TMTC2: variants seen among roughly 807,000 people sequenced by gnomAD.
The protein encoded by TMTC2 is protein O-mannosyl-transferase TMTC2.
Under a neutral mutation model 82.4 loss-of-function variants are expected in TMTC2, and 43 were observed. The ratio of observed to expected loss-of-function variants is 0.52; its 90% CI spans 0.41 to 0.67. TMTC2 has a LOEUF of 0.67. Ranked by LOEUF, TMTC2 falls within the 30% of genes least tolerant of loss-of-function variation. TMTC2 has a pLI of 0.00. For missense variants in TMTC2, 919 were observed against 1,012.4 expected, an observed-to-expected ratio of 0.91 and a Z score of 1.25; for synonymous variants, 408 against 381.9, an observed-to-expected ratio of 1.07 and a Z score of -0.80.
chr12:83,115,180 T>C (rs542850575), intron 11 of TMTC2, among the ~76,000 whole-genome samples: 21 of 152,264 alleles, frequency 1.4e-4, no homozygotes, highest in Non-Finnish European at 2.4e-4. Flanking sequence ...GAAATCCTTC[T>C]GTGTAATATG....
chr12:82,907,170 A>C (rs984646734), intron 3 of TMTC2, among the ~76,000 whole-genome samples: 5 of 152,138 alleles, frequency 3.3e-5, no homozygotes, highest in African/African-American at 9.7e-5. Context: ...GACGCCTTTA[A>C]GAATGAATTG....
chr12:82,840,108 C>T (rs377151064), intron 1 of TMTC2, among the ~76,000 whole-genome samples: 1 of 152,160 alleles, frequency 6.6e-6, no homozygotes, highest in Non-Finnish European at 1.5e-5. Flanking sequence ...TCCAGGAAGG[C>T]GAGGCAGGTG....
intron 1 of TMTC2, among the ~76,000 whole-genome samples, chr12:82,769,454 T>C (rs1020416051): frequency 6.6e-6 from 1 of 151,292 alleles, no homozygotes; most frequent in Non-Finnish European, 1.5e-5. Context: ...CCAGCTTGGG[T>C]GACAGAGTGA....
intron 11 of TMTC2, among the ~76,000 whole-genome samples, chr12:83,113,382 CT>C (rs1306572686): frequency 2.6e-5 from 4 of 152,116 alleles, no homozygotes; most frequent in Non-Finnish European, 5.9e-5. Context: ...TCGATAAAAA[CT>C]TTAACTTAGG....
intron 2 of TMTC2, among the ~76,000 whole-genome samples, chr12:82,880,001 T>A (rs1484609541): frequency 6.6e-6 from 1 of 152,198 alleles, no homozygotes; most frequent in Non-Finnish European, 1.5e-5. Flanking sequence ...ATACACAGCC[T>A]TCTTTCCTCA....
At chr12:82,891,670 T>A (rs79941580) in intron 2 of TMTC2, among the ~76,000 whole-genome samples, 2,877 of 152,260 alleles carry the variant, frequency 0.019, 91 homozygotes, top group African/African-American at 0.066. Flanking sequence ...AATTGCAGTT[T>A]CATACTTTGG....
chr12:82,692,543 T>C (rs1440254255), intron 1 of TMTC2, among the ~76,000 whole-genome samples: 1 of 152,224 alleles, frequency 6.6e-6, no homozygotes, highest in Non-Finnish European at 1.5e-5. Context: ...AGGATGACGT[T>C]TACCCTTAAG....
intron 8 of TMTC2, among the ~76,000 whole-genome samples, chr12:83,007,403 T>C (rs1880253885): frequency 6.6e-6 from 1 of 152,216 alleles, no homozygotes; most frequent in Non-Finnish European, 1.5e-5. Context: ...GAGCATTTAA[T>C]ATGATTTTAT....
chr12:82,930,616 T>C, intron 4 of TMTC2, 71 bp downstream of exon 4: 2 of 896,368 alleles, frequency 2.2e-6, no homozygotes, highest in Non-Finnish European at 1.8e-6. Flanking sequence ...TTGATTTAAC[T>C]GCTGGAAATG....
intron 11 of TMTC2, among the ~76,000 whole-genome samples, chr12:83,119,107 T>C (rs965068669): frequency 3.3e-5 from 5 of 152,196 alleles, no homozygotes; most frequent in African/African-American, 9.6e-5. Context: ...ACCAGTGTTC[T>C]GTTTCATTTA....
At chr12:82,821,475 G>A (rs1869107092) in intron 1 of TMTC2, among the ~76,000 whole-genome samples, 2 of 152,158 alleles carry the variant, frequency 1.3e-5, no homozygotes, top group Non-Finnish European at 2.9e-5. Context: ...TATGAGGAAG[G>A]TGTTAGCCTC....
chr12:83,016,035 T>C (rs1038413352), intron 8 of TMTC2, among the ~76,000 whole-genome samples: 1 of 152,208 alleles, frequency 6.6e-6, no homozygotes, highest in African/African-American at 2.4e-5. Context: ...CTTTCTTTAT[T>C]TGTAAGTCAC....
intron 5 of TMTC2, 96 bp from the exon 6 acceptor site, chr12:82,965,464 A>G (rs1878151348): frequency 7.4e-7 from 1 of 1,353,372 alleles, no homozygotes; most frequent in South Asian, 1.3e-5. Context: ...TTTAATGAGC[A>G]CTAAACCATA....
At chr12:82,693,582 T>C (rs1872664109) in intron 1 of TMTC2, among the ~76,000 whole-genome samples, 1 of 152,226 alleles carries the variant, frequency 6.6e-6, no homozygotes, top group South Asian at 2.1e-4. Flanking sequence ...GCAGCTCTTC[T>C]AAATTTCTGT....
At chr12:82,702,939 G>A (rs891671763) in intron 1 of TMTC2, among the ~76,000 whole-genome samples, 5 of 152,256 alleles carry the variant, frequency 3.3e-5, no homozygotes, top group African/African-American at 1.2e-4. Flanking sequence ...TTGGGCCTGG[G>A]GGATCGAGGC....
At chr12:82,962,324 G>A (rs1877978514) in intron 4 of TMTC2, among the ~76,000 whole-genome samples, 1 of 151,912 alleles carries the variant, frequency 6.6e-6, no homozygotes, top group African/African-American at 2.4e-5. Context: ...TGCCCTTTAG[G>A]AATGTAATTA....
chr12:82,925,299 T>C (rs1252491203), intron 3 of TMTC2, among the ~76,000 whole-genome samples: 1 of 152,220 alleles, frequency 6.6e-6, no homozygotes, highest in African/African-American at 2.4e-5. Context: ...TGGGTGGGAA[T>C]TGACTATTTT....
intron 1 of TMTC2, among the ~76,000 whole-genome samples, chr12:82,811,529 T>C (rs1329362574): frequency 6.6e-6 from 1 of 151,994 alleles, no homozygotes; most frequent in East Asian, 1.9e-4. Context: ...AATGGAAAAA[T>C]CAGTACAAAT....
chr12:82,879,295 G>A (rs1269026519), intron 2 of TMTC2, among the ~76,000 whole-genome samples: 1 of 152,122 alleles, frequency 6.6e-6, no homozygotes, highest in Non-Finnish European at 1.5e-5. Context: ...CAACCTTTTT[G>A]GCCGGTTTCA....
Sources: allele counts gnomAD v4.1 joint callset (sites outside exome capture counted in the v4.1 genomes callset), GRCh38; gene constraint gnomAD v4.1.1; transcripts MANE v1.5; gene names NCBI Gene and HGNC (gene_info 2026-07-23, HGNC 2026-07-21).